Variants in TAFA1 observed in about 807,000 individuals in gnomAD.
The protein encoded by TAFA1 is TAFA chemokine like family member 1.
Under a neutral mutation model 18.5 loss-of-function variants are expected in TAFA1, and 4 were observed. That is an observed-to-expected ratio of 0.22 (90% CI 0.11 to 0.49). The LOEUF (loss-of-function observed/expected upper bound fraction) is 0.49, where lower values mean the gene tolerates loss of function less well. Among genes scored for constraint, TAFA1 ranks in the 20% least tolerant of loss-of-function variants. TAFA1 has a pLI of 0.98. For missense variants in TAFA1, 147 were observed against 169.0 expected, an observed-to-expected ratio of 0.87 and a Z score of 0.72; for synonymous variants, 56 against 55.2, an observed-to-expected ratio of 1.01 and a Z score of -0.06.
chr3:68,175,031 G>A (rs2066106446), intron 2 of TAFA1, among the ~76,000 whole-genome samples: 1 of 152,216 alleles, frequency 6.6e-6, no homozygotes, highest in Non-Finnish European at 1.5e-5. Flanking sequence ...CATGGCTTCA[G>A]GGGATGCCAG....
chr3:68,264,978 C>T (rs898855788), intron 2 of TAFA1, among the ~76,000 whole-genome samples: 3 of 152,132 alleles, frequency 2.0e-5, no homozygotes, highest in East Asian at 1.9e-4. Context: ...TATGTCTCTC[C>T]ATATAGAATT....
intron 2 of TAFA1, among the ~76,000 whole-genome samples, chr3:68,119,063 G>T (rs527968223): frequency 1.3e-4 from 20 of 148,552 alleles, no homozygotes; most frequent in South Asian, 2.1e-4. Flanking sequence ...TTTTTTTTTT[G>T]ATAGTAGCCA....
intron 2 of TAFA1, among the ~76,000 whole-genome samples, chr3:68,294,566 A>G (rs1161816196): frequency 2.0e-5 from 3 of 152,206 alleles, no homozygotes; most frequent in Non-Finnish European, 4.4e-5. Context: ...TCCATTTTTC[A>G]ATTTACATTT....
chr3:68,271,336 C>A (rs1420608284), intron 2 of TAFA1, among the ~76,000 whole-genome samples: 1 of 152,070 alleles, frequency 6.6e-6, no homozygotes, highest in Non-Finnish European at 1.5e-5. Context: ...ACAGGCCTGG[C>A]TTTGCCTTAC....
intron 2 of TAFA1, among the ~76,000 whole-genome samples, chr3:68,215,194 C>G (rs1180666978): frequency 6.6e-6 from 1 of 151,974 alleles, no homozygotes; most frequent in Non-Finnish European, 1.5e-5. Context: ...ATAGATCATA[C>G]TCAATATATG....
intron 3 of TAFA1, among the ~76,000 whole-genome samples, chr3:68,535,714 A>G (rs1006626738): frequency 6.6e-6 from 1 of 152,230 alleles, no homozygotes; most frequent in Non-Finnish European, 1.5e-5. Flanking sequence ...CACAAAATGT[A>G]ACTTGAAGAG....
intron 2 of TAFA1, among the ~76,000 whole-genome samples, chr3:68,077,644 C>A (rs1213342258): frequency 6.6e-6 from 1 of 151,990 alleles, no homozygotes; most frequent in Non-Finnish European, 1.5e-5. Context: ...TTTCTGAGGG[C>A]TCTGTTCTGT....
chr3:68,112,004 C>A (rs2065268424), intron 2 of TAFA1, among the ~76,000 whole-genome samples: 1 of 152,030 alleles, frequency 6.6e-6, no homozygotes, highest in Non-Finnish European at 1.5e-5. Context: ...CGTCTGCTGC[C>A]TATTATCAGG....
chr3:67,995,680 G>A, the TAFA1 span, among the ~76,000 whole-genome samples: 1 of 152,154 alleles, frequency 6.6e-6, no homozygotes, highest in South Asian at 2.1e-4. Context: ...TGTGTTAGAA[G>A]AAGGGGACAA....
chr3:68,090,566 C>G (rs1250946045), intron 2 of TAFA1, among the ~76,000 whole-genome samples: 1 of 152,174 alleles, frequency 6.6e-6, no homozygotes, highest in Admixed American at 6.5e-5. Flanking sequence ...TTCTGCATGT[C>G]TGGTGGTGTT....
intron 2 of TAFA1, among the ~76,000 whole-genome samples, chr3:68,226,670 A>G (rs1460109586): frequency 2.6e-5 from 4 of 152,190 alleles, no homozygotes; most frequent in Non-Finnish European, 5.9e-5. Context: ...TTTCATGTAT[A>G]TTATACTACT....
In TAFA1 at chr3:68,012,905, G is replaced by T. The variant is rs937356887; in HGVS notation, c.118+6161G>T. Among the ~76,000 whole-genome samples, 5 of 152,230 alleles carry T rather than the reference G, an allele frequency of 3.3e-5. No homozygotes were observed. In the East Asian group the frequency reaches 9.6e-4, roughly 29 times the overall value. On this transcript the variant is annotated intron_variant, in intron 2 of 4. Coordinates refer to ENST00000478136, the MANE Select transcript of TAFA1 (RefSeq NM_213609.4). ...TTCTGAAGATACTCCTTGGACAAAA[G>T]TGTCCACTGTTTGTTATGTTCTCCT...
intron 3 of TAFA1, among the ~76,000 whole-genome samples, chr3:68,514,926 T>C (rs1361655764): frequency 6.6e-6 from 1 of 152,082 alleles, no homozygotes; most frequent in Admixed American, 6.5e-5. Flanking sequence ...TGGTAGCAAT[T>C]TGGATAAGGT....
chr3:68,116,706 G>A (rs1313114239), intron 2 of TAFA1, among the ~76,000 whole-genome samples: 1 of 152,058 alleles, frequency 6.6e-6, no homozygotes, highest in Non-Finnish European at 1.5e-5. Context: ...CCTCATCTCT[G>A]CTAAAATATA....
At chr3:68,102,090 G>A (rs925609314) in intron 2 of TAFA1, among the ~76,000 whole-genome samples, 3 of 152,052 alleles carry the variant, frequency 2.0e-5, no homozygotes, top group Admixed American at 1.3e-4. Flanking sequence ...AGGTGTTAGA[G>A]TAGCTGATAC....
intron 2 of TAFA1, among the ~76,000 whole-genome samples, chr3:68,033,645 T>C (rs991329745): frequency 6.6e-6 from 1 of 152,202 alleles, no homozygotes; most frequent in Non-Finnish European, 1.5e-5. Context: ...ATGCTAGATA[T>C]TTACTTATTA....
At chr3:68,317,710 G>A (rs907013419) in intron 2 of TAFA1, among the ~76,000 whole-genome samples, 1 of 152,214 alleles carries the variant, frequency 6.6e-6, no homozygotes, top group East Asian at 1.9e-4. Flanking sequence ...AATGAAAATG[G>A]GATGACTTTA....
At chr3:68,086,951 G>T (rs770128747) in intron 2 of TAFA1, among the ~76,000 whole-genome samples, 8 of 152,256 alleles carry the variant, frequency 5.3e-5, no homozygotes, top group Non-Finnish European at 8.8e-5. Flanking sequence ...TTTTCAAAAT[G>T]AAAAGGGTCT....
At chr3:68,148,889 T>C (rs931616953) in intron 2 of TAFA1, among the ~76,000 whole-genome samples, 1 of 152,228 alleles carries the variant, frequency 6.6e-6, no homozygotes, top group African/African-American at 2.4e-5. Flanking sequence ...TGAAATGGAA[T>C]ATAGAATACC....
Sources: gnomAD v4.1 joint callset for allele counts (sites outside exome capture counted in the v4.1 genomes callset) on GRCh38, gnomAD v4.1.1 for gene constraint, MANE v1.5 for transcripts, NCBI Gene and HGNC (gene_info 2026-07-23, HGNC 2026-07-21) for gene names.